The following PLXNA2 variants were observed in gnomAD, a reference collection of about 807,000 sequenced individuals.
PLXNA2 encodes the protein plexin-A2.
PLXNA2 carries 91 observed loss-of-function variants against 193.5 expected under a neutral mutation model. The observed-to-expected ratio is 0.47, with a 90% CI of 0.40 to 0.56. The LOEUF (loss-of-function observed/expected upper bound fraction) is 0.56. Among genes scored for constraint, PLXNA2 ranks in the 20% least tolerant of loss-of-function variants. The pLI is 0.00. For synonymous variants in PLXNA2, 997 were observed against 1,027.3 expected, an observed-to-expected ratio of 0.97 and a Z score of 0.56; for missense variants, 1,995 against 2,503.2, an observed-to-expected ratio of 0.80 and a Z score of 4.33.
chr1:208,180,769 T>C (rs947068899), intron 3 of PLXNA2, among the ~76,000 whole-genome samples: 1 of 152,040 alleles, frequency 6.6e-6, no homozygotes, highest in African/African-American at 2.4e-5. Context: ...CCCTCATGAG[T>C]ATTCGCTGTC....
At chr1:208,114,785 A>G (rs1667587438) in intron 4 of PLXNA2, among the ~76,000 whole-genome samples, 1 of 152,158 alleles carries the variant, frequency 6.6e-6, no homozygotes, top group African/African-American at 2.4e-5. Flanking sequence ...TGTCTTGTCC[A>G]TCACAGCTTC....
chr1:208,122,378 T>A (rs1003203153), intron 4 of PLXNA2, among the ~76,000 whole-genome samples: 4 of 152,220 alleles, frequency 2.6e-5, no homozygotes, highest in African/African-American at 9.7e-5. Flanking sequence ...TGCCTCTGAT[T>A]TGCTGGGTTT....
Position 208,045,940 on chromosome 1 carries a change from AG to A in PLXNA2, c.3432del (p.Phe1145LeufsTer20), listed in dbSNP as rs1665048284. 1 of 1,614,128 alleles carries A rather than the reference AG, an allele frequency of 6.2e-7. No individual in the cohort carries two copies. Among genetic ancestry groups the A allele is most frequent in the African/African-American group, 1.3e-5 (1 of 74,946 alleles). On this transcript the variant is annotated frameshift_variant, in exon 18 of 32. Transcript: ENST00000367033. LOFTEE classifies it high-confidence loss of function. ...DTKFIYYPNP[T>X]FELLSPTGVL... is the part of the protein sequence containing the mutation. ...ACTCCAGTAGGGCTAAGCAGTTCAA[AG>A]GTCGGGTTGGGGTAGTAGATAAACT...
At chr1:208,184,028 G>A (rs560136984) in intron 3 of PLXNA2, among the ~76,000 whole-genome samples, 2 of 152,294 alleles carry the variant, frequency 1.3e-5, no homozygotes, top group African/African-American at 4.8e-5. Flanking sequence ...AGTGGCTATT[G>A]TATTGAACAG....
intron 2 of PLXNA2, among the ~76,000 whole-genome samples, chr1:208,215,220 T>C (rs1436355017): frequency 1.3e-5 from 2 of 152,148 alleles, no homozygotes; most frequent in Non-Finnish European, 2.9e-5. Context: ...GGTCTCGAAC[T>C]CCTGAGCTCA....
intron 17 of PLXNA2, among the ~76,000 whole-genome samples, chr1:208,049,020 C>G (rs1665166560): frequency 6.6e-6 from 1 of 152,218 alleles, no homozygotes; most frequent in Non-Finnish European, 1.5e-5. Flanking sequence ...CTAGGGACAG[C>G]CCTGGGCCCC....
At chr1:208,074,527 C>G (rs1232652427) in intron 12 of PLXNA2, among the ~76,000 whole-genome samples, 1 of 152,198 alleles carries the variant, frequency 6.6e-6, no homozygotes, top group Non-Finnish European at 1.5e-5. Flanking sequence ...GCCTGTACAA[C>G]TTGTTCTACA....
chr1:208,116,997 C>A (rs1271973602), intron 4 of PLXNA2, among the ~76,000 whole-genome samples: 2 of 152,090 alleles, frequency 1.3e-5, no homozygotes, highest in Non-Finnish European at 2.9e-5. Context: ...CATGGTGAAA[C>A]CCCGTGTCTA....
rs747144384 is a variant in PLXNA2 at position 208,033,536 on chromosome 1, TGTGA to T, written c.4865-31_4865-28del. On this transcript the variant is annotated intron_variant, in intron 27 of 31. Coordinates refer to ENST00000367033, the MANE Select transcript of PLXNA2 (RefSeq NM_025179.4). ...TGAGGAGAAGGGGTTGGTGGAGGGC[TGTGA>T]GTAACAGTCACCAGCCTTGCTTGTA... 9 of 1,563,694 alleles carry T rather than the reference TGTGA, an allele frequency of 5.8e-6. No homozygotes were observed. The African/African-American group carries it at 8.1e-5, about 14-fold the overall frequency.
rs903803880 is a variant in PLXNA2 at position 208,082,043 on chromosome 1, G to C, written c.2395+369C>G. Among the ~76,000 whole-genome samples, 2 of 152,160 alleles carry C rather than the reference G, an allele frequency of 1.3e-5. No individual in the cohort carries two copies. The highest frequency in any genetic ancestry group is 2.9e-5 in the Non-Finnish European group (2 of 68,034). Reference sequence around the variant, plus strand: ...CCTCTTTGTGCAGTGATTGTGACCAGGGCCAAGGACAGGGGAACAAGAGCC... The same window carrying C: ...CCTCTTTGTGCAGTGATTGTGACCACGGCCAAGGACAGGGGAACAAGAGCC... On this transcript the variant is annotated intron_variant, in intron 11 of 31. Transcript: ENST00000367033. The surrounding 1 kb of genome is among the most constrained non-coding windows in gnomAD (Gnocchi z 4.2).
At chr1:208,134,166 A>G (rs1668237733) in intron 4 of PLXNA2, among the ~76,000 whole-genome samples, 1 of 152,218 alleles carries the variant, frequency 6.6e-6, no homozygotes, top group Non-Finnish European at 1.5e-5. Context: ...TCTTAAATAC[A>G]GCAAGCCAAG....
At chr1:208,182,292 G>A (rs865944042) in intron 3 of PLXNA2, among the ~76,000 whole-genome samples, 1 of 152,172 alleles carries the variant, frequency 6.6e-6, no homozygotes, top group African/African-American at 2.4e-5. Context: ...AATTAGCCGG[G>A]CATGGTGGTG....
chr1:208,194,967 C>T (rs988442079), intron 3 of PLXNA2, among the ~76,000 whole-genome samples: 1 of 152,160 alleles, frequency 6.6e-6, no homozygotes, highest in African/African-American at 2.4e-5. Flanking sequence ...CCATGGCCAC[C>T]AGAGTCCACG....
In PLXNA2 at chr1:208,038,521, C is replaced by T. The variant is rs1286985712; in HGVS notation, c.4661-47G>A. 6.9e-7 allele frequency: 1 copy of T among 1,451,058 alleles called. No homozygotes were observed. The highest frequency in any genetic ancestry group is 9.7e-7 in the Non-Finnish European group (1 of 1,031,664). 89.9% of individuals were successfully genotyped at this position (1,451,058 alleles called of 1,614,324 possible). On this transcript the variant is annotated intron_variant, in intron 25 of 31. Coordinates refer to ENST00000367033, the MANE Select transcript of PLXNA2 (RefSeq NM_025179.4). This position sits in a 1 kb window ranked among gnomAD's most constrained non-coding sequence, Gnocchi z 4.1. The stretch of plus-strand genomic sequence containing the variant: ...GGGAGCGGCGTGAGAGGGATGAGGG[C>T]TGTGAGCCAGTGTCTCCCGATTGCA...
At chr1:208,054,670 TC>T in intron 13 of PLXNA2, 132 bp from the exon 14 acceptor site, 1 of 678,874 alleles carries the variant, frequency 1.5e-6, no homozygotes, top group East Asian at 2.7e-5. Context: ...AGCTTGGTCA[TC>T]CATCTTGCTG....
chr1:208,155,089 G>T (rs1423212386), intron 3 of PLXNA2, among the ~76,000 whole-genome samples: 1 of 152,212 alleles, frequency 6.6e-6, no homozygotes, highest in Admixed American at 6.5e-5. Flanking sequence ...GGACTGCGGG[G>T]AGGAGGAGCG....
chr1:208,190,479 C>T (rs1252971456), intron 3 of PLXNA2, among the ~76,000 whole-genome samples: 1 of 152,226 alleles, frequency 6.6e-6, no homozygotes, highest in African/African-American at 2.4e-5. Context: ...GTGCTTAGCA[C>T]AGTGGTTGAC....
intron 4 of PLXNA2, among the ~76,000 whole-genome samples, chr1:208,118,907 AC>A (rs1411076060): frequency 1.3e-5 from 2 of 152,234 alleles, no homozygotes; most frequent in African/African-American, 4.8e-5. Context: ...TTAGGTGCTC[AC>A]TGAACACTTA....
In PLXNA2 at chr1:208,051,333, A is replaced by G; in HGVS notation, c.3084T>C (p.His1028=). 2 of 1,613,706 alleles carry G rather than the reference A, an allele frequency of 1.2e-6. No homozygotes were observed. The highest frequency in any genetic ancestry group is 2.2e-5 in the East Asian group (1 of 44,858). ...VPVSVSVDRA[H]VDSNLQFEYI... Reference sequence around the variant, plus strand: ...ACTCAAACTGCAGGTTGCTATCCACATGGGCTCGGTCGACACTCACAGAAA... The same window carrying G: ...ACTCAAACTGCAGGTTGCTATCCACGTGGGCTCGGTCGACACTCACAGAAA... Residue 1028 remains histidine (H), a synonymous_variant, in exon 16 of 32, where the codon CAT becomes CAC. Transcript: ENST00000367033.
Sources: gnomAD v4.1 joint callset for allele counts (sites outside exome capture counted in the v4.1 genomes callset) on GRCh38, gnomAD v4.1.1 for gene constraint, Gnocchi (gnomAD v3.1) non-coding constraint, MANE v1.5 for transcripts, NCBI Gene and HGNC (gene_info 2026-07-23, HGNC 2026-07-21) for gene names.